The following ATP6V1H variants were observed in gnomAD, a reference collection of about 807,000 sequenced individuals.
ATP6V1H encodes the protein V-type proton ATPase subunit H.
Under a neutral mutation model 71.7 loss-of-function variants are expected in ATP6V1H, and 39 were observed. The ratio of observed to expected loss-of-function variants is 0.54; its 90% confidence interval spans 0.42 to 0.71. ATP6V1H has a LOEUF of 0.71. Ranked by LOEUF, ATP6V1H falls within the 30% of genes least tolerant of loss-of-function variation. The pLI, the probability that ATP6V1H is intolerant of heterozygous loss-of-function variation, is 0.00. For synonymous variants in ATP6V1H, 192 were observed against 199.3 expected (o/e 0.96, Z 0.31); for missense variants, 509 against 594.9 (o/e 0.86, Z 1.50).
In ATP6V1H at chr8:53,769,668, A is replaced by C. The variant is rs766679166; in HGVS notation, c.1125T>G (p.Phe375Leu). 8.1e-6 allele frequency: 13 copies of C among 1,613,208 alleles called. No individual in the cohort carries two copies. In the Admixed American group the frequency reaches 2.2e-4, roughly 27 times the overall value. ...TTAACCTCACAGCATTCTCTCTCCA[A>C]AATTTCTCAGATTTGTGCACAGGAC... is the stretch of plus-strand genomic sequence containing the variant. Reference protein sequence around the residue: ...EWSPVHKSEKFWRENAVRLNE... With the variant: ...EWSPVHKSEKLWRENAVRLNE... Residue 375 changes from phenylalanine to leucine, a missense_variant, in exon 11 of 14, where the codon TTT (phenylalanine) becomes TTG (leucine). This residue lies in a region of ATP6V1H where 212 missense variants were observed against 291.6 expected (regional missense o/e 0.73). Coordinates refer to ENST00000359530, the MANE Select transcript of ATP6V1H (RefSeq NM_015941.4).
intron 2 of ATP6V1H, 31 bp from the exon 3 acceptor site, chr8:53,833,117 G>C (rs1268093181): frequency 1.3e-6 from 2 of 1,560,040 alleles, no homozygotes; most frequent in East Asian, 2.3e-5. Flanking sequence ...GTTTTGTTCA[G>C]TAAGAGTTGA....
chr8:53,774,671 G>A (rs1443451478), intron 9 of ATP6V1H, among the ~76,000 whole-genome samples: 4 of 151,804 alleles, frequency 2.6e-5, no homozygotes, highest in Non-Finnish European at 4.4e-5. Flanking sequence ...ACGAACAAAA[G>A]GTAGCAGAAA....
At chr8:53,812,695 G>A (rs539512910) in intron 6 of ATP6V1H, among the ~76,000 whole-genome samples, 1 of 151,820 alleles carries the variant, frequency 6.6e-6, no homozygotes, top group Admixed American at 6.6e-5. Flanking sequence ...TTTTTGTGGG[G>A]TTTTTTTTGT....
intron 12 of ATP6V1H, among the ~76,000 whole-genome samples, chr8:53,750,913 C>A (rs1585744654): frequency 6.6e-6 from 1 of 152,166 alleles, no homozygotes. Context: ...TCAGCAAACA[C>A]CTAAAGAGTG....
intron 12 of ATP6V1H, among the ~76,000 whole-genome samples, chr8:53,748,651 A>G (rs750153318): frequency 6.6e-6 from 1 of 152,234 alleles, no homozygotes; most frequent in Non-Finnish European, 1.5e-5. Flanking sequence ...AAAATAGGAG[A>G]TGTCACATAT....
chr8:53,807,126 A>T lies in ATP6V1H; in HGVS notation c.579+4038T>A, dbSNP rs577856125. On this transcript the variant is annotated intron_variant, in intron 7 of 13. Transcript: ENST00000359530. ...TTCTGCTACTTAATCAGCACTTTTG[A>T]TGGACTTATAATCAAAGCAGTAAAG... Among the ~76,000 whole-genome samples the T allele has an allele frequency of 3.9e-5, 6 of 152,300 alleles. No individual in the cohort carries two copies. The East Asian group carries it at 7.7e-4, about 20-fold the overall frequency.
rs1157492308 is a variant in ATP6V1H, at chr8:53,769,625, G to C, written c.1168C>G (p.Leu390Val). The C allele has an allele frequency of 6.2e-7, 1 of 1,612,220 alleles. No individual in the cohort carries two copies. Among genetic ancestry groups the C allele is most frequent in the Non-Finnish European group, 8.5e-7 (1 of 1,179,078 alleles). Residue 390 changes from leucine to valine, a missense_variant, in exon 11 of 14, where the codon CTC becomes GTC. Leu to Val is a conservative substitution (Grantham distance 32). Transcript: ENST00000359530. ...AVRLNEKNYE[L>V]LKILTKLLEV... ...GTAGAACAAAAAACTTACTTCAAGA[G>C]TTCATAATTCTTCTCATTTAACCTC...
At chr8:53,816,469 C>T (rs1406386437) in intron 5 of ATP6V1H, among the ~76,000 whole-genome samples, 1 of 152,136 alleles carries the variant, frequency 6.6e-6, no homozygotes, top group Non-Finnish European at 1.5e-5. Context: ...AAAAATTCTT[C>T]AGTACTAGGG....
At chr8:53,733,862 G>C (rs1807109942) in intron 13 of ATP6V1H, among the ~76,000 whole-genome samples, 1 of 152,126 alleles carries the variant, frequency 6.6e-6, no homozygotes, top group South Asian at 2.1e-4. Context: ...TGCCTGACCT[G>C]ACAAAGCCAT....
At chr8:53,826,070 A>G (rs959322358) in intron 4 of ATP6V1H, among the ~76,000 whole-genome samples, 102 of 152,126 alleles carry the variant, frequency 6.7e-4, no homozygotes, top group Non-Finnish European at 1.2e-3. Flanking sequence ...TAATTCAGGG[A>G]AAAAAATGTA....
At chr8:53,780,787 AGT>A (rs1043081211) in intron 9 of ATP6V1H, among the ~76,000 whole-genome samples, 2 of 151,844 alleles carry the variant, frequency 1.3e-5, no homozygotes, top group Admixed American at 6.6e-5. Flanking sequence ...GAGAATATGC[AGT>A]GTTTGGTATT....
intron 9 of ATP6V1H, among the ~76,000 whole-genome samples, chr8:53,789,206 T>C (rs1275830484): frequency 6.6e-6 from 1 of 152,210 alleles, no homozygotes; most frequent in Admixed American, 6.5e-5. Flanking sequence ...ATTAGATACA[T>C]GCTTCCAATA....
At chr8:53,758,393 A>G (rs930459252) in intron 11 of ATP6V1H, among the ~76,000 whole-genome samples, 2 of 152,156 alleles carry the variant, frequency 1.3e-5, no homozygotes, top group African/African-American at 4.8e-5. Flanking sequence ...ACACCCAGAA[A>G]CAAGAGTGTG....
intron 7 of ATP6V1H, among the ~76,000 whole-genome samples, chr8:53,804,585 A>T (rs2130444155): frequency 6.6e-6 from 1 of 152,348 alleles, no homozygotes; most frequent in East Asian, 1.9e-4. Context: ...CAGGCAGGAA[A>T]ATCGCTTGAA....
chr8:53,784,513 A>C (rs2130375261), intron 9 of ATP6V1H, among the ~76,000 whole-genome samples: 1 of 152,256 alleles, frequency 6.6e-6, no homozygotes, highest in Admixed American at 6.5e-5. Flanking sequence ...TGTGTCTTTT[A>C]ATTGGAGCAT....
At chr8:53,793,203 CAAT>C (rs1809624058) in intron 9 of ATP6V1H, among the ~76,000 whole-genome samples, 2 of 152,176 alleles carry the variant, frequency 1.3e-5, no homozygotes, top group African/African-American at 4.8e-5. Flanking sequence ...AAATTTAAAA[CAAT>C]GATTTAGTTT....
intron 9 of ATP6V1H, among the ~76,000 whole-genome samples, chr8:53,782,684 T>C (rs1430714923): frequency 1.3e-5 from 2 of 152,212 alleles, no homozygotes; most frequent in South Asian, 2.1e-4. Context: ...GGGTTTCTCA[T>C]AGATAGCTCT....
chr8:53,730,611 C>T (rs950958730), intron 13 of ATP6V1H, among the ~76,000 whole-genome samples: 3 of 152,230 alleles, frequency 2.0e-5, no homozygotes, highest in South Asian at 4.2e-4. Flanking sequence ...TCTGTGCCCA[C>T]GTATTCAGGG....
chr8:53,803,804 G>C (rs185928964), intron 7 of ATP6V1H, among the ~76,000 whole-genome samples: 36 of 152,138 alleles, frequency 2.4e-4, no homozygotes, highest in African/African-American at 8.7e-4. Flanking sequence ...TAAGTCATCA[G>C]GTAGAAACTT....
Sources: gnomAD v4.1 joint callset for allele counts (sites outside exome capture counted in the v4.1 genomes callset) on GRCh38, gnomAD v4.1.1 for gene constraint, gnomAD v4.1.1 regional missense constraint, MANE v1.5 for transcripts, NCBI Gene and HGNC (gene_info 2026-07-23, HGNC 2026-07-21) for gene names.